ABCC10: variants seen among roughly 807,000 people sequenced by gnomAD.
ABCC10 encodes the protein ATP binding cassette subfamily C member 10, also known as ATP-binding cassette sub-family C member 10.
ABCC10 carries 110 observed loss-of-function variants against 143.2 expected under a neutral mutation model. That is an observed-to-expected ratio of 0.77 (90% CI 0.66 to 0.90). The LOEUF is 0.90. Among genes scored for constraint, ABCC10 ranks in the 40% least tolerant of loss-of-function variants. ABCC10 has a pLI of 0.00. For synonymous variants in ABCC10, 805 were observed against 846.7 expected (o/e 0.95, Z 0.85); for missense variants, 1,700 against 1,900.5 (o/e 0.89, Z 1.96).
chr6:43,433,079 G>A lies in ABCC10; in HGVS notation c.1099G>A (p.Ala367Thr), dbSNP rs1239343214. Residue 367 changes from alanine to threonine, a missense_variant, in exon 3 of 22, where the codon GCT (alanine) becomes ACT (threonine). Coordinates refer to ENST00000372530, the MANE Select transcript of ABCC10 (RefSeq NM_001198934.2). ...TGTGCTGAACATCCTGTACTGCAAG[G>A]CTTTACAGCTGGGGCCCAGCCGCCC... ...GAVLNILYCK[A>T]LQLGPSRPPT... 1.2e-6 allele frequency: 2 copies of A among 1,614,022 alleles called. No individual in the cohort carries two copies. The highest frequency in any genetic ancestry group is 1.7e-6 in the Non-Finnish European group (2 of 1,180,030).
intron 6 of ABCC10, 46 bp from the exon 7 acceptor site, chr6:43,437,888 G>A (rs769045714): frequency 5.0e-6 from 8 of 1,585,010 alleles, no homozygotes; most frequent in South Asian, 1.1e-5. Flanking sequence ...TGCCACCTCT[G>A]TCCTGTCTCC....
rs755293812 is a variant in ABCC10, at chr6:43,449,125, T to C, written c.4124T>C (p.Leu1375Pro). The C allele has an allele frequency of 6.2e-7, 1 of 1,614,058 alleles. No individual in the cohort carries two copies. ...CTTGCAGGTGGTCTGGATGGTGAGC[T>C]GGGTGAGGGGGGCCGGAGCTTATCT... ...ITSMGGLDGELGEGGRSLSLG... is the reference protein window; with the variant it reads ...ITSMGGLDGEPGEGGRSLSLG... The change falls in exon 20 of 22, where the codon CTG (leucine) becomes CCG (proline). Residue 1375 changes from leucine to proline, a missense_variant. Transcript: ENST00000372530.
downstream of ABCC10, chr6:43,450,827 C>A: frequency 6.2e-7 from 1 of 1,614,232 alleles, no homozygotes; most frequent in South Asian, 1.1e-5. This position sits in a 1 kb window ranked among gnomAD's most constrained non-coding sequence, Gnocchi z 4.5. Flanking sequence ...TCACTGAGAT[C>A]CGCAGCAGAC....
chr6:43,441,999 GGGGAGTCCAGAGCCTT>G (rs1782528635), intron 9 of ABCC10, 39 bp downstream of exon 9: 1 of 1,578,032 alleles, frequency 6.3e-7, no homozygotes, highest in Non-Finnish European at 8.7e-7. Flanking sequence ...AGGGAGGTGG[GGGGAGTCCAGAGCCTT>G]GGGAACTTGG....
Position 43,444,202 on chromosome 6 carries a change from G to A in ABCC10, c.2538G>A (p.Gly846=), listed in dbSNP as rs549545291. The A allele has an allele frequency of 1.9e-6, 3 of 1,614,096 alleles. No homozygotes were observed. The East Asian group carries it at 6.7e-5, about 36-fold the overall frequency. The change falls in exon 12 of 22, where the codon GGG becomes GGA. Residue 846 remains glycine, a synonymous_variant. Transcript: ENST00000372530. Reference sequence around the variant, plus strand: ...AGAACCCAGAGAAAACAAAGGAGGGGCTGGAGGAGGAGCAGAGCACATCTG... The same window carrying A: ...AGAACCCAGAGAAAACAAAGGAGGGACTGGAGGAGGAGCAGAGCACATCTG... The part of the protein sequence containing the change: ...SVQNPEKTKE[G]LEEEQSTSGR...
chr6:43,443,658 G>A lies in ABCC10; in HGVS notation c.2417-275G>A, dbSNP rs557970360. 2.6e-5 allele frequency: 11 copies of A among 430,708 alleles called. No individual in the cohort carries two copies. The highest frequency in any genetic ancestry group is 1.6e-4 in the East Asian group (4 of 25,218). 26.7% of individuals were successfully genotyped at this position (430,708 alleles called of 1,614,324 possible). ...ACAGAGTGGCAGGCATAGCTCTGGC[G>A]GTCCTCTTGGGGATGGACATTCGTC... On this transcript the variant is annotated intron_variant, in intron 10 of 21. Coordinates refer to ENST00000372530, the MANE Select transcript of ABCC10 (RefSeq NM_001198934.2). The surrounding 1 kb of genome is among the most constrained non-coding windows in gnomAD (Gnocchi z 4.2).
downstream of ABCC10, chr6:43,450,477 G>A (rs1783642021): frequency 1.7e-5 from 25 of 1,501,238 alleles, no homozygotes; most frequent in South Asian, 2.0e-4. The surrounding 1 kb of genome is among the most constrained non-coding windows in gnomAD (Gnocchi z 4.5). Flanking sequence ...TGGTGAGAAC[G>A]GACCACTCCA....
chr6:43,441,304 C>T (rs540188988), intron 8 of ABCC10, among the ~76,000 whole-genome samples: 12 of 151,930 alleles, frequency 7.9e-5, no homozygotes, highest in South Asian at 2.1e-4. Context: ...GGTGAAACCC[C>T]GTCTCTACTA....
chr6:43,434,713 A>T lies in ABCC10; in HGVS notation c.1473A>T (p.Arg491=). Residue 491 remains arginine, a synonymous_variant, in exon 4 of 22, where the codon CGA becomes CGT. Transcript: ENST00000372530. ...LGARVEACRA[R]ELGRLRVIKY... is the part of the protein sequence containing the mutation. ...CCCGAGTAGAGGCCTGCCGGGCTCG[A>T]GAGCTGGGGCGACTCCGGGTCATCA... 1 of 1,614,210 alleles carries T rather than the reference A, an allele frequency of 6.2e-7. No individual in the cohort carries two copies. The highest frequency in any genetic ancestry group is 8.5e-7 in the Non-Finnish European group (1 of 1,180,036).
chr6:43,449,495 A>C lies in ABCC10; in HGVS notation c.4277A>C (p.Lys1426Thr). 6.2e-7 allele frequency: 1 copy of C among 1,614,072 alleles called. No homozygotes were observed. Among genetic ancestry groups the C allele is most frequent in the Non-Finnish European group, 8.5e-7 (1 of 1,179,960 alleles). The change falls in exon 21 of 22, where the codon AAA becomes ACA. Residue 1426 changes from lysine to threonine, a missense_variant. Coordinates refer to ENST00000372530, the MANE Select transcript of ABCC10 (RefSeq NM_001198934.2). ...TDQLLQQTIC[K>T]RFANKTVLTI... is the part of the protein sequence containing the mutation. ...CAGCTGCTCCAGCAGACCATCTGCA[A>C]ACGCTTTGCCAACAAGACAGTGCTG...
intron 1 of ABCC10, 105 bp from the exon 2 acceptor site, chr6:43,427,863 G>C (rs772875961): frequency 2.4e-5 from 32 of 1,327,880 alleles, no homozygotes; most frequent in Non-Finnish European, 3.5e-5. Flanking sequence ...AGCGACGGGC[G>C]GTCCCGGTTC....
chr6:43,434,603 C>T lies in ABCC10; in HGVS notation c.1381-18C>T, dbSNP rs555072168. 1 of 1,607,992 alleles carries T rather than the reference C, an allele frequency of 6.2e-7. No homozygotes were observed. The highest frequency in any genetic ancestry group is 1.1e-5 in the South Asian group (1 of 90,374). Reference sequence around the variant, plus strand: ...CAGTGCCTCCACTTCACGCCTCTCCCTTGTCTCCTTTCCCTAGCTTGTGAC... The same window carrying T: ...CAGTGCCTCCACTTCACGCCTCTCCTTTGTCTCCTTTCCCTAGCTTGTGAC... On this transcript the variant is annotated intron_variant, in intron 3 of 21. Coordinates refer to ENST00000372530, the MANE Select transcript of ABCC10 (RefSeq NM_001198934.2).
chr6:43,427,568 G>A lies in ABCC10; in HGVS notation c.-201G>A. 3.3e-6 allele frequency: 1 copy of A among 302,550 alleles called. No homozygotes were observed. The highest frequency in any genetic ancestry group is 6.4e-6 in the Non-Finnish European group (1 of 156,224). 18.7% of individuals were successfully genotyped at this position (302,550 alleles called of 1,614,324 possible). A position where few individuals can be genotyped will look rare whatever the true frequency, so the allele number is the denominator to read the frequency against. ...CATATGGGCGTGGCGAATAGCGCCG[G>A]CTAGGTCTTCCAACCTCTAGGTGGG... On this transcript the variant is annotated 5_prime_UTR_variant, in exon 1 of 22. Coordinates refer to ENST00000372530, the MANE Select transcript of ABCC10 (RefSeq NM_001198934.2).
At position 43,438,807 on chromosome 6, in the gene ABCC10, G is replaced by C. The variant is rs1222490035; in HGVS notation, c.2127+12G>C. 43 of 1,613,328 alleles carry C rather than the reference G, an allele frequency of 2.7e-5. No individual in the cohort carries two copies. Among genetic ancestry groups the C allele is most frequent in the Admixed American group, 3.3e-5 (2 of 59,980 alleles). Reference sequence around the variant, plus strand: ...ATGATGACCTCAGTGTGAGTGCCTGGCCTTGAAACCTCTTAGCTGCCTGTT... The same window carrying C: ...ATGATGACCTCAGTGTGAGTGCCTGCCCTTGAAACCTCTTAGCTGCCTGTT... On this transcript the variant is annotated intron_variant, in intron 8 of 21. Transcript: ENST00000372530.
intron 11 of ABCC10, 32 bp from the exon 12 acceptor site, chr6:43,444,127 C>G (rs1369081859): frequency 6.2e-7 from 1 of 1,611,236 alleles, no homozygotes. Context: ...ACCCTGCAAG[C>G]TTAATTCTTC....
At position 43,443,850 on chromosome 6, in the gene ABCC10, G is replaced by C; in HGVS notation, c.2417-83G>C. ...TAGACGGGGAGGCCTGAGAGGATGA[G>C]AGGTGGGATCTGCACACGCACTGAG... On this transcript the variant is annotated intron_variant, in intron 10 of 21. Coordinates refer to ENST00000372530, the MANE Select transcript of ABCC10 (RefSeq NM_001198934.2). This position sits in a 1 kb window ranked among gnomAD's most constrained non-coding sequence, Gnocchi z 4.2. 7.3e-7 allele frequency: 1 copy of C among 1,374,490 alleles called. No individual in the cohort carries two copies. The highest frequency in any genetic ancestry group is 1.0e-6 in the Non-Finnish European group (1 of 962,758). The allele number at this position is 1,374,490 out of a possible 1,614,324, so 85.1% of individuals were successfully genotyped here.
chr6:43,445,717 C>G lies in ABCC10; in HGVS notation c.3149C>G (p.Ala1050Gly), dbSNP rs780139145. Residue 1050 changes from alanine to glycine, a missense_variant, in exon 15 of 22, where the codon GCG becomes GGG. Physicochemically the swap from Ala to Gly is moderately conservative, Grantham distance 60. Coordinates refer to ENST00000372530, the MANE Select transcript of ABCC10 (RefSeq NM_001198934.2). ...PFILNILLAN[A>G]AGLLGLLAVL... is the part of the protein sequence containing the mutation. The stretch of plus-strand genomic sequence containing the variant: ...ATCCTCAACATCCTCCTGGCCAACG[C>G]GGCAGGCCTGCTGGGGCTCCTGGCC... 1.2e-6 allele frequency: 2 copies of G among 1,614,100 alleles called. No homozygotes were observed. The highest frequency in any genetic ancestry group is 2.7e-5 in the African/African-American group (2 of 74,944).
chr6:43,448,030 C>T lies in ABCC10; in HGVS notation c.3959+93C>T, dbSNP rs772401544. ...GCCAGGAAGGCTTTATATAAACTCA[C>T]AGCAGCCAGGGCTGATCAGGGGGCT... is the stretch of plus-strand genomic sequence containing the variant. On this transcript the variant is annotated intron_variant, in intron 18 of 21. Transcript: ENST00000372530. The T allele has an allele frequency of 1.9e-6, 3 of 1,556,868 alleles. No individual in the cohort carries two copies. In the African/African-American group the frequency reaches 4.0e-5, roughly 21 times the overall value.
In ABCC10 at chr6:43,438,790, C is replaced by G; in HGVS notation, c.2122C>G (p.Leu708Val). 2 of 1,614,126 alleles carry G rather than the reference C, an allele frequency of 1.2e-6. No individual in the cohort carries two copies. Among genetic ancestry groups the G allele is most frequent in the Non-Finnish European group, 1.7e-6 (2 of 1,179,968 alleles). ...AGAAGCCTGCGCCCTCAATGATGAC[C>G]TCAGTGTGAGTGCCTGGCCTTGAAA... ...VLEACALNDD[L>V]SILPAGDQTE... Residue 708 changes from leucine to valine, a missense_variant, in exon 8 of 22, where the codon CTC becomes GTC. By Grantham distance (32) the Leu-to-Val change is conservative. Transcript: ENST00000372530.
Sources: gnomAD v4.1 joint callset for allele counts (sites outside exome capture counted in the v4.1 genomes callset) on GRCh38, gnomAD v4.1.1 for gene constraint, Gnocchi (gnomAD v3.1) non-coding constraint, MANE v1.5 for transcripts, NCBI Gene and HGNC (gene_info 2026-07-23, HGNC 2026-07-21) for gene names.